Variants in MIER1 observed in about 807,000 individuals in gnomAD.
MIER1 encodes the protein mesoderm induction early response protein 1.
A neutral mutation model predicts 75.7 loss-of-function variants in MIER1; 40 were observed. The observed-to-expected ratio is 0.53, with a 90% CI of 0.41 to 0.69. The LOEUF is 0.69. MIER1 is among the 30% of genes least tolerant of loss of function. The probability of loss-of-function intolerance (pLI) is 0.00; values close to 1 mark genes in which losing one functional copy is unlikely to be tolerated. For synonymous variants in MIER1, 213 were observed against 223.4 expected (o/e 0.95, Z 0.42); for missense variants, 574 against 680.2 (o/e 0.84, Z 1.74).
At chr1:66,973,133 T>C (rs958511174) in intron 11 of MIER1, 142 bp downstream of exon 11, 32 of 580,506 alleles carry the variant, frequency 5.5e-5, no homozygotes, top group African/African-American at 9.5e-5. Context: ...TGAGTAATTA[T>C]AGTAAGGCTG....
intron 4 of MIER1, chr1:66,947,262 A>G (rs1267939677): frequency 6.6e-6 from 1 of 152,420 alleles, no homozygotes; most frequent in East Asian, 1.9e-4. Context: ...TTTAGTTTAT[A>G]TTTCTAGCAT....
chr1:66,971,292 C>T (rs1397524781), intron 9 of MIER1, among the ~76,000 whole-genome samples: 1 of 152,036 alleles, frequency 6.6e-6, no homozygotes, highest in Non-Finnish European at 1.5e-5. Flanking sequence ...CAGTGCCTAC[C>T]ATGAACCTAT....
At chr1:66,933,311 ATT>A (rs1653899300) in intron 2 of MIER1, among the ~76,000 whole-genome samples, 1 of 152,154 alleles carries the variant, frequency 6.6e-6, no homozygotes, top group Non-Finnish European at 1.5e-5. Context: ...TTTGTCTTGT[ATT>A]TTAGCGTTTG....
chr1:66,925,257 C>A (rs1184747228), intron 1 of MIER1, 162 bp downstream of exon 1: 1 of 983,782 alleles, frequency 1.0e-6, no homozygotes, highest in Non-Finnish European at 1.2e-6. Context: ...CAGAACGCGC[C>A]TGGCTTGCTC....
intron 11 of MIER1, among the ~76,000 whole-genome samples, chr1:66,976,250 C>T (rs1453777643): frequency 5.3e-5 from 8 of 152,204 alleles, no homozygotes; most frequent in Admixed American, 6.5e-5. Context: ...GATCCACCCC[C>T]CTTGGCCTCC....
chr1:66,951,168 T>C (rs1192783110), intron 4 of MIER1, among the ~76,000 whole-genome samples: 1 of 152,238 alleles, frequency 6.6e-6, no homozygotes, highest in Non-Finnish European at 1.5e-5. Context: ...TAACTTGAGA[T>C]ATAGTATATA....
At chr1:66,927,572 T>A (rs1263277583) in intron 2 of MIER1, among the ~76,000 whole-genome samples, 1 of 152,124 alleles carries the variant, frequency 6.6e-6, no homozygotes, top group East Asian at 1.9e-4. Flanking sequence ...AACCCAAGTA[T>A]AAATATTAAC....
intron 9 of MIER1, 86 bp downstream of exon 9, chr1:66,971,045 A>T (rs1266174255): frequency 7.7e-7 from 1 of 1,297,084 alleles, no homozygotes; most frequent in African/African-American, 1.6e-5. Flanking sequence ...TATTCTGTCC[A>T]CCAAACTTTT....
chr1:66,955,346 T>G (rs906845412), intron 4 of MIER1, among the ~76,000 whole-genome samples: 2 of 138,592 alleles, frequency 1.4e-5, no homozygotes, highest in Non-Finnish European at 3.1e-5. Flanking sequence ...GTTTTTTTTT[T>G]TTTTTTTTTT....
intron 7 of MIER1, among the ~76,000 whole-genome samples, chr1:66,962,393 T>G (rs1263757986): frequency 1.3e-5 from 2 of 152,250 alleles, no homozygotes; most frequent in Non-Finnish European, 2.9e-5. Flanking sequence ...TTTTCCTACT[T>G]TGAAGCTCTG....
chr1:66,950,477 T>C (rs955947529), intron 4 of MIER1, among the ~76,000 whole-genome samples: 1 of 152,184 alleles, frequency 6.6e-6, no homozygotes, highest in South Asian at 2.1e-4. Flanking sequence ...ATGAACTCTT[T>C]AAACTCAGAG....
At chr1:66,968,773 G>GT (rs1406986761) in intron 8 of MIER1, among the ~76,000 whole-genome samples, 1 of 152,154 alleles carries the variant, frequency 6.6e-6, no homozygotes, top group Non-Finnish European at 1.5e-5. Context: ...CTAAATTCAT[G>GT]TAAGTTATCA....
chr1:66,952,765 C>T (rs917771144), intron 4 of MIER1, among the ~76,000 whole-genome samples: 1 of 152,180 alleles, frequency 6.6e-6, no homozygotes, highest in South Asian at 2.1e-4. Flanking sequence ...CCTCAGCCCC[C>T]CTAGTAGCTG....
At chr1:66,935,699 ATTG>A (rs562100990) in intron 2 of MIER1, among the ~76,000 whole-genome samples, 1 of 152,286 alleles carries the variant, frequency 6.6e-6, no homozygotes, top group South Asian at 2.1e-4. Context: ...AGAGGTAACT[ATTG>A]TTAACAGGTT....
At chr1:66,982,565 A>AT (rs1310359186) in intron 13 of MIER1, among the ~76,000 whole-genome samples, 2 of 152,200 alleles carry the variant, frequency 1.3e-5, no homozygotes, top group East Asian at 3.9e-4. Context: ...TTCTTCTTTG[A>AT]TTAAATGGTC....
chr1:66,986,146 GAAAACTTTTCAAACTTTTCT>G lies in MIER1; in HGVS notation c.*1248_*1267del. The stretch of plus-strand genomic sequence containing the variant: ...ATTTTATGAAGAGAAAGTGAAGTTT[GAAAACTTTTCAAACTTTTCT>G]AGTTACAATCCAATTTTTCAGATTT... On this transcript the variant is annotated 3_prime_UTR_variant, in exon 14 of 14. Transcript: ENST00000401041. 8.6e-7 allele frequency: 1 copy of G among 1,168,320 alleles called. No individual in the cohort carries two copies. Among genetic ancestry groups the G allele is most frequent in the Non-Finnish European group, 1.1e-6 (1 of 947,928 alleles). 72.4% of individuals were successfully genotyped at this position (1,168,320 alleles called of 1,614,324 possible).
Position 66,986,657 on chromosome 1 carries a change from A to T in MIER1, c.*1757A>T. On this transcript the variant is annotated 3_prime_UTR_variant, in exon 14 of 14. Coordinates refer to ENST00000401041, the MANE Select transcript of MIER1 (RefSeq NM_001077700.3). ...AAACAGTGTTAAAAGCCACTTTGCA[A>T]CACTTGACTTCATCTTAATGTACAT... 1.9e-6 allele frequency: 1 copy of T among 528,836 alleles called. No individual in the cohort carries two copies. The highest frequency in any genetic ancestry group is 3.4e-6 in the Non-Finnish European group (1 of 297,072). 32.8% of individuals were successfully genotyped at this position (528,836 alleles called of 1,614,324 possible).
intron 3 of MIER1, 68 bp downstream of exon 3, chr1:66,940,120 C>A: frequency 8.5e-7 from 1 of 1,170,462 alleles, no homozygotes; most frequent in Non-Finnish European, 1.3e-6. Context: ...TGCATAAAGA[C>A]TAGAGGAGTT....
At chr1:66,971,360 CAAG>C (rs1340837738) in intron 9 of MIER1, among the ~76,000 whole-genome samples, 1 of 151,644 alleles carries the variant, frequency 6.6e-6, no homozygotes, top group African/African-American at 2.4e-5. Context: ...ATAGGAATCT[CAAG>C]AAGCCACAAA....
Sources: allele counts gnomAD v4.1 joint callset (sites outside exome capture counted in the v4.1 genomes callset), GRCh38; gene constraint gnomAD v4.1.1; transcripts MANE v1.5; gene names NCBI Gene and HGNC (gene_info 2026-07-23, HGNC 2026-07-21).